AKAP13: variants seen among roughly 807,000 people sequenced by gnomAD.
AKAP13 encodes the protein A-kinase anchoring protein 13, also known as A-kinase anchor protein 13.
Under a neutral mutation model 264.5 loss-of-function variants are expected in AKAP13, and 80 were observed. That is an observed-to-expected ratio of 0.30 (90% CI 0.25 to 0.36). AKAP13 has a LOEUF of 0.36. AKAP13 is among the 10% of genes least tolerant of loss of function. The probability of loss-of-function intolerance (pLI) is 1.00; values close to 1 mark genes in which losing one functional copy is unlikely to be tolerated. For missense variants in AKAP13, 3,712 were observed against 3,435.2 expected, an observed-to-expected ratio of 1.08 and a Z score of -2.01; for synonymous variants, 1,380 against 1,250.2, an observed-to-expected ratio of 1.10 and a Z score of -2.19.
chr15:85,643,463 C>G (rs968442093), intron 9 of AKAP13, among the ~76,000 whole-genome samples: 2 of 152,152 alleles, frequency 1.3e-5, no homozygotes, highest in African/African-American at 4.8e-5. Context: ...AATTACTTAA[C>G]TGTTAATTAG....
At chr15:85,647,801 AC>A (rs1567173847) in intron 10 of AKAP13, among the ~76,000 whole-genome samples, 1 of 151,916 alleles carries the variant, frequency 6.6e-6, no homozygotes, top group Non-Finnish European at 1.5e-5. Flanking sequence ...GGTGGCGGGC[AC>A]CTGTAGTCCC....
chr15:85,708,210 G>C lies in AKAP13; in HGVS notation c.5532+124G>C. ...ATTTTAATCATTTGGTACCAACTTT[G>C]AGAACAAATTATAACTAAAAAATAT... On this transcript the variant is annotated intron_variant, in intron 18 of 36. Transcript: ENST00000394518. This position sits in a 1 kb window ranked among gnomAD's most constrained non-coding sequence, Gnocchi z 4.3. 1 of 826,348 alleles carries C rather than the reference G, an allele frequency of 1.2e-6. No homozygotes were observed. The highest frequency in any genetic ancestry group is 1.9e-5 in the South Asian group (1 of 53,128). The allele number at this position is 826,348 out of a possible 1,614,324, so 51.2% of individuals were successfully genotyped here. A position where few individuals can be genotyped will look rare whatever the true frequency, so the allele number is the denominator to read the frequency against.
intron 8 of AKAP13, among the ~76,000 whole-genome samples, chr15:85,601,264 AC>A (rs1186643914): frequency 6.6e-6 from 1 of 152,194 alleles, no homozygotes; most frequent in East Asian, 1.9e-4. Context: ...CTTAGGAAGT[AC>A]CTTTCAGTTA....
rs111771702 is a variant in AKAP13 at position 85,528,994 on chromosome 15, C to G, written c.182-4590C>G. Among the ~76,000 whole-genome samples the G allele has an allele frequency of 9.1e-3, 1,392 of 152,296 alleles. 12 individuals carry two copies. The highest frequency in any genetic ancestry group is 0.075 in the Middle Eastern group (22 of 294). ...TAATCAAAGGAAAAACACCATGGAA[C>G]TAACTGAAAATCCTGCTATTGTTCT... On this transcript the variant is annotated intron_variant, in intron 3 of 36. Transcript: ENST00000394518.
At chr15:85,582,768 G>A in intron 7 of AKAP13, 1 of 580,974 alleles carries the variant, frequency 1.7e-6, no homozygotes, top group Non-Finnish European at 2.2e-6. Flanking sequence ...CTTTTGGGCA[G>A]CAGTCTGAGA....
intron 2 of AKAP13, among the ~76,000 whole-genome samples, chr15:85,498,503 C>T (rs554419354): frequency 1.3e-5 from 2 of 150,486 alleles, no homozygotes; most frequent in African/African-American, 2.4e-5. Flanking sequence ...AGAGGTGAAG[C>T]GGTAATTCAA....
intron 36 of AKAP13, 133 bp downstream of exon 36, chr15:85,743,958 T>A: frequency 9.5e-7 from 1 of 1,047,194 alleles, no homozygotes; most frequent in Non-Finnish European, 1.3e-6. Context: ...GCCATCCTTT[T>A]CACCAGCTCC....
chr15:85,458,583 G>A (rs1311521586), intron 1 of AKAP13, among the ~76,000 whole-genome samples: 2 of 151,646 alleles, frequency 1.3e-5, no homozygotes. Context: ...TAAAATCCTT[G>A]TAGACACAGT....
intron 1 of AKAP13, among the ~76,000 whole-genome samples, chr15:85,412,518 A>G (rs907421891): frequency 6.6e-6 from 1 of 152,224 alleles, no homozygotes; most frequent in Non-Finnish European, 1.5e-5. Context: ...TCATAAAAGT[A>G]TGTTTATTTG....
At chr15:85,679,689 C>T (rs2084474830) in intron 14 of AKAP13, among the ~76,000 whole-genome samples, 1 of 152,194 alleles carries the variant, frequency 6.6e-6, no homozygotes, top group Non-Finnish European at 1.5e-5. Flanking sequence ...TCCAGTAGTT[C>T]CACCCTGAAG....
intron 1 of AKAP13, among the ~76,000 whole-genome samples, chr15:85,463,932 C>T (rs566317031): frequency 7.0e-4 from 107 of 152,120 alleles, no homozygotes; most frequent in Non-Finnish European, 1.2e-3. Context: ...TAACCATAAC[C>T]TTTTTAGAAA....
At chr15:85,473,821 A>G (rs929417997) in intron 1 of AKAP13, among the ~76,000 whole-genome samples, 8 of 152,252 alleles carry the variant, frequency 5.3e-5, no homozygotes, top group African/African-American at 1.9e-4. Context: ...GGCCTGTGGT[A>G]GGTCAAATGA....
chr15:85,645,097 G>A (rs1425909323), intron 9 of AKAP13, among the ~76,000 whole-genome samples: 5 of 152,210 alleles, frequency 3.3e-5, no homozygotes, highest in Admixed American at 6.5e-5. Flanking sequence ...TACAGCCTGA[G>A]CAACAGAACG....
chr15:85,470,419 G>A (rs187978481), intron 1 of AKAP13, among the ~76,000 whole-genome samples: 5 of 152,262 alleles, frequency 3.3e-5, no homozygotes, highest in Admixed American at 2.6e-4. Flanking sequence ...ATTCTGTTTC[G>A]ATGCTAATAA....
chr15:85,463,716 A>C (rs577601305), intron 1 of AKAP13, among the ~76,000 whole-genome samples: 1 of 152,240 alleles, frequency 6.6e-6, no homozygotes, highest in South Asian at 2.1e-4. Flanking sequence ...TTTGAGCTAG[A>C]CTGGCTACAT....
At chr15:85,739,961 T>G (rs1398048530) in intron 33 of AKAP13, among the ~76,000 whole-genome samples, 2 of 152,256 alleles carry the variant, frequency 1.3e-5, no homozygotes, top group Non-Finnish European at 2.9e-5. Flanking sequence ...CTAGTCATTT[T>G]AAGTAATGGA....
chr15:85,400,644 G>C (rs2071377106), intron 1 of AKAP13, among the ~76,000 whole-genome samples: 1 of 152,010 alleles, frequency 6.6e-6, no homozygotes, highest in Non-Finnish European at 1.5e-5. Context: ...CATAATATTT[G>C]TGAAGGTTTT....
chr15:85,494,677 G>A (rs1322362173), intron 2 of AKAP13, among the ~76,000 whole-genome samples: 2 of 152,206 alleles, frequency 1.3e-5, no homozygotes, highest in Non-Finnish European at 2.9e-5. Context: ...GAACTACAGA[G>A]AGAGATTGAG....
chr15:85,380,901 C>T (rs1291781750), intron 1 of AKAP13, 103 bp downstream of exon 1: 3 of 151,452 alleles, frequency 2.0e-5, no homozygotes, highest in Non-Finnish European at 4.4e-5. Flanking sequence ...TGGGGCGGGC[C>T]CCGGAGGAGG....
Sources: allele counts gnomAD v4.1 joint callset (sites outside exome capture counted in the v4.1 genomes callset), GRCh38; gene constraint gnomAD v4.1.1; non-coding constraint Gnocchi (gnomAD v3.1); transcripts MANE v1.5; gene names NCBI Gene and HGNC (gene_info 2026-07-23, HGNC 2026-07-21).